SLCO4C1: variants seen among roughly 807,000 people sequenced by gnomAD.
SLCO4C1 encodes solute carrier organic anion transporter family member 4C1, also known as organic anion transporter M1.
Under a neutral mutation model 72.1 loss-of-function variants are expected in SLCO4C1, and 58 were observed. That is an observed-to-expected ratio of 0.80 (90% CI 0.65 to 1.00). SLCO4C1 has a LOEUF of 1.00. SLCO4C1 is among the 50% of genes least tolerant of loss of function. SLCO4C1 has a pLI of 0.00. For missense variants in SLCO4C1, 898 were observed against 857.9 expected, an observed-to-expected ratio of 1.05 and a Z score of -0.58; for synonymous variants, 297 against 312.5, an observed-to-expected ratio of 0.95 and a Z score of 0.52.
chr5:102,260,234 T>C lies in SLCO4C1; in HGVS notation c.1107A>G (p.Lys369=), dbSNP rs2112359489. ...NADVKFGKSI[K]DFPAALKNLM... Reference sequence around the variant, plus strand: ...TTACCTTTAGAGCAGCTGGAAAATCTTTAATACTTTTTCCAAATTTCACAT... The same window carrying C: ...TTACCTTTAGAGCAGCTGGAAAATCCTTAATACTTTTTCCAAATTTCACAT... Residue 369 remains lysine (K), a synonymous_variant, in exon 6 of 13, where the codon AAA becomes AAG. Coordinates refer to ENST00000310954, the MANE Select transcript of SLCO4C1 (RefSeq NM_180991.5). 1.4e-6 allele frequency: 2 copies of C among 1,388,120 alleles called. No individual in the cohort carries two copies. The highest frequency in any genetic ancestry group is 1.9e-6 in the Non-Finnish European group (2 of 1,059,550). 86.0% of individuals were successfully genotyped at this position (1,388,120 alleles called of 1,614,324 possible).
intron 1 of SLCO4C1, among the ~76,000 whole-genome samples, chr5:102,295,190 C>T (rs1368211429): frequency 2.0e-5 from 3 of 152,304 alleles, no homozygotes; most frequent in East Asian, 1.9e-4. Flanking sequence ...CCAAACTGAG[C>T]TTAGATTGCA....
At chr5:102,237,431 G>A (rs1032335760) in intron 12 of SLCO4C1, among the ~76,000 whole-genome samples, 1 of 140,262 alleles carries the variant, frequency 7.1e-6, no homozygotes, top group Non-Finnish European at 1.6e-5. Flanking sequence ...AGGAAACCCT[G>A]TCTCTACCAA....
chr5:102,253,856 GTAA>G (rs1748786021), intron 8 of SLCO4C1, among the ~76,000 whole-genome samples: 1 of 151,462 alleles, frequency 6.6e-6, no homozygotes, highest in Non-Finnish European at 1.5e-5. Flanking sequence ...TGGTACCTGG[GTAA>G]CAGAATCAAT....
intron 2 of SLCO4C1, among the ~76,000 whole-genome samples, chr5:102,277,975 A>G (rs1749279671): frequency 6.6e-6 from 1 of 152,168 alleles, no homozygotes; most frequent in Non-Finnish European, 1.5e-5. Context: ...GAACAAACAC[A>G]AAACAAAATA....
chr5:102,258,193 T>C, intron 6 of SLCO4C1, 106 bp from the exon 7 acceptor site: 1 of 917,010 alleles, frequency 1.1e-6, no homozygotes, highest in Non-Finnish European at 1.5e-6. Flanking sequence ...CAATCATCTG[T>C]AAAATTTCAG....
intron 2 of SLCO4C1, among the ~76,000 whole-genome samples, chr5:102,290,205 C>A (rs923242714): frequency 1.3e-5 from 2 of 152,152 alleles, no homozygotes; most frequent in East Asian, 3.9e-4. Context: ...AGCAAGAGAG[C>A]TACAGGGGAG....
chr5:102,293,015 T>C (rs921887352), intron 1 of SLCO4C1, among the ~76,000 whole-genome samples: 2 of 152,104 alleles, frequency 1.3e-5, no homozygotes, highest in African/African-American at 4.8e-5. Flanking sequence ...ATACAAGTCA[T>C]GATCTCCACA....
In SLCO4C1 at chr5:102,291,527, G is replaced by GGATTTC; in HGVS notation, c.434_435insGAAATC (p.Gly145_Leu146insLysSer). 1 of 1,614,028 alleles carries GGATTTC rather than the reference G, an allele frequency of 6.2e-7. No individual in the cohort carries two copies. Among genetic ancestry groups the GGATTTC allele is most frequent in the South Asian group, 1.1e-5 (1 of 91,074 alleles). Reference sequence around the variant, plus strand: ...AAATATCGTAGCTTGATGAAATCAGGCCAGTCAGGGAACTCTTCATTTCAT... The same window carrying GGATTTC: ...AAATATCGTAGCTTGATGAAATCAGGGATTTCCCAGTCAGGGAACTCTTCATTTCAT... On this transcript the variant is annotated inframe_insertion, in exon 2 of 13. Coordinates refer to ENST00000310954, the MANE Select transcript of SLCO4C1 (RefSeq NM_180991.5).
chr5:102,256,954 A>T (rs1381194354), intron 8 of SLCO4C1, among the ~76,000 whole-genome samples, 161 bp downstream of exon 8: 1 of 152,202 alleles, frequency 6.6e-6, no homozygotes, highest in Non-Finnish European at 1.5e-5. Context: ...AGAAGACATC[A>T]ATTATCTAAA....
At chr5:102,249,064 T>C (rs1308248172) in intron 9 of SLCO4C1, among the ~76,000 whole-genome samples, 1 of 152,230 alleles carries the variant, frequency 6.6e-6, no homozygotes, top group Admixed American at 6.5e-5. Context: ...TTCTATTATA[T>C]AAACTGTACC....
chr5:102,247,488 ATAAAT>A (rs1358023655), intron 9 of SLCO4C1, 46 bp from the exon 10 acceptor site: 1 of 1,307,512 alleles, frequency 7.6e-7, no homozygotes, highest in Admixed American at 2.2e-5. Flanking sequence ...CATTTAGAAA[ATAAAT>A]TATTGTAAAT....
In SLCO4C1 at chr5:102,277,100, C is replaced by CA. The variant is rs1007571956; in HGVS notation, c.620-6295dup. Among the ~76,000 whole-genome samples the CA allele has an allele frequency of 1.2e-4, 18 of 151,158 alleles. No individual in the cohort carries two copies. The South Asian group carries it at 1.3e-3, about 11-fold the overall frequency. Reference sequence around the variant, plus strand: ...CAAATGCCAAAGGCTGCATACAAAACAAAAAAAAGAGGCACAAGAAAATTA... The same window carrying CA: ...CAAATGCCAAAGGCTGCATACAAAACAAAAAAAAAGAGGCACAAGAAAATTA... On this transcript the variant is annotated intron_variant, in intron 2 of 12. Coordinates refer to ENST00000310954, the MANE Select transcript of SLCO4C1 (RefSeq NM_180991.5).
At chr5:102,250,787 G>A (rs1286778376) in intron 8 of SLCO4C1, among the ~76,000 whole-genome samples, 2 of 152,004 alleles carry the variant, frequency 1.3e-5, no homozygotes, top group Non-Finnish European at 2.9e-5. Context: ...TCAGGAATTT[G>A]AGACCAGCCT....
rs1046732643 is a variant in SLCO4C1, at chr5:102,235,867, G to C, written c.*991C>G. Reference sequence around the variant, plus strand: ...AAAAATGGTCCCTGATGCAAAAAAGGTTGGGGACTGCTGAGTTAAAGGGTA... The same window carrying C: ...AAAAATGGTCCCTGATGCAAAAAAGCTTGGGGACTGCTGAGTTAAAGGGTA... On this transcript the variant is annotated 3_prime_UTR_variant, in exon 13 of 13. Transcript: ENST00000310954. 1 of 152,232 alleles carries C rather than the reference G, an allele frequency of 6.6e-6. No homozygotes were observed. The highest frequency in any genetic ancestry group is 1.5e-5 in the Non-Finnish European group (1 of 68,052). The allele number at this position is 152,232 out of a possible 1,614,324, so 9.4% of individuals were successfully genotyped here.
chr5:102,247,917 C>CTTTTTTTTTTTTTTTTTTTTTTTT, intron 9 of SLCO4C1, among the ~76,000 whole-genome samples: 1 of 107,436 alleles, frequency 9.3e-6, no homozygotes, highest in Non-Finnish European at 1.9e-5. Context: ...AGGCCAGAAA[C>CTTTTTTTTTTTTTTTTTTTTTTTT]TTTTTTTTTT....
chr5:102,279,007 G>C (rs1749305598), intron 2 of SLCO4C1, among the ~76,000 whole-genome samples: 3 of 151,018 alleles, frequency 2.0e-5, no homozygotes, highest in Admixed American at 6.6e-5. Flanking sequence ...TCAATAAATT[G>C]GAAAATAGAA....
At position 102,240,335 on chromosome 5, in the gene SLCO4C1, T is replaced by C. The variant is rs117600439; in HGVS notation, c.1876+383A>G. Among the ~76,000 whole-genome samples the C allele has an allele frequency of 3.8e-4, 58 of 152,234 alleles. No individual in the cohort carries two copies. In the East Asian group the frequency reaches 9.3e-3, roughly 24 times the overall value. ...TCCAATAATTCTTAACTAGTCACAA[T>C]ATCCATACCACAGTTGCTGTTGAAA... On this transcript the variant is annotated intron_variant, in intron 11 of 12. Transcript: ENST00000310954.
chr5:102,257,958 C>T lies in SLCO4C1; in HGVS notation c.1258G>A (p.Ala420Thr), dbSNP rs372444963. 85 of 1,602,596 alleles carry T rather than the reference C, an allele frequency of 5.3e-5. No homozygotes were observed. Among genetic ancestry groups the T allele is most frequent in the Non-Finnish European group, 7.1e-5 (83 of 1,176,504 alleles). Residue 420 changes from alanine (A) to threonine (T), a missense_variant, in exon 7 of 13, where the codon GCA becomes ACA. Coordinates refer to ENST00000310954, the MANE Select transcript of SLCO4C1 (RefSeq NM_180991.5). ...ENQFGLTSSF[A>T]ATLGGAVLIP... Reference sequence around the variant, plus strand: ...AATGTTTTACCTCCAAGAGTAGCTGCGAAGCTGGATGTCAATCCGAATTGA... The same window carrying T: ...AATGTTTTACCTCCAAGAGTAGCTGTGAAGCTGGATGTCAATCCGAATTGA...
chr5:102,282,225 T>C (rs980308592), intron 2 of SLCO4C1, among the ~76,000 whole-genome samples: 2 of 152,034 alleles, frequency 1.3e-5, no homozygotes, highest in Non-Finnish European at 2.9e-5. Flanking sequence ...ATGAGTTAAT[T>C]TATAATAAAA....
Sources: allele counts gnomAD v4.1 joint callset (sites outside exome capture counted in the v4.1 genomes callset), GRCh38; gene constraint gnomAD v4.1.1; transcripts MANE v1.5; gene names NCBI Gene and HGNC (gene_info 2026-07-23, HGNC 2026-07-21).